The following KPNA5 variants were observed in gnomAD, a reference collection of about 807,000 sequenced individuals.
KPNA5 encodes importin subunit alpha-6.
Under a neutral mutation model 71.3 loss-of-function variants are expected in KPNA5, and 46 were observed. The observed-to-expected ratio is 0.65, with a 90% CI of 0.51 to 0.83. KPNA5 has a LOEUF of 0.83. Among genes scored for constraint, KPNA5 ranks in the 40% least tolerant of loss-of-function variants. The probability of loss-of-function intolerance (pLI) is 0.00; values close to 1 mark genes in which losing one functional copy is unlikely to be tolerated. For missense variants in KPNA5, 547 were observed against 628.3 expected (o/e 0.87, Z 1.38); for synonymous variants, 207 against 201.4 (o/e 1.03, Z -0.24).
rs904932447 is a variant in KPNA5 at position 116,704,041 on chromosome 6, AT to A, written c.568-1017del. 2.0e-3 allele frequency among the ~76,000 whole-genome samples: 296 copies of A among 144,690 alleles called. 2 individuals carry two copies. The highest frequency in any genetic ancestry group is 7.1e-3 in the Middle Eastern group (2 of 280). The allele number at this position is 144,690 out of a possible 152,430, so 94.9% of individuals were successfully genotyped here. On this transcript the variant is annotated intron_variant, in intron 6 of 13. Transcript: ENST00000368564. ...GTTACTGTACTAAATGCTGTAGGCA[AT>A]TTTTTTTTTTTTTGAGACAGAGTCT...
At chr6:116,690,607 C>T (rs1046833152) in intron 2 of KPNA5, among the ~76,000 whole-genome samples, 3 of 147,028 alleles carry the variant, frequency 2.0e-5, no homozygotes, top group African/African-American at 7.6e-5. Flanking sequence ...GATGCCACTG[C>T]ACTCCAGCCT....
intron 9 of KPNA5, among the ~76,000 whole-genome samples, chr6:116,722,707 G>A (rs897252915): frequency 6.6e-6 from 1 of 152,076 alleles, no homozygotes; most frequent in African/African-American, 2.4e-5. Context: ...AAATCATTTA[G>A]TATTTCACCT....
chr6:116,724,202 C>A, intron 9 of KPNA5, 95 bp from the exon 10 acceptor site: 1 of 693,430 alleles, frequency 1.4e-6, no homozygotes, highest in Non-Finnish European at 2.5e-6. Flanking sequence ...GGATCTTTGG[C>A]TGAACACCCC....
rs1779295704 is a variant in KPNA5, at chr6:116,726,547, C to A, written c.1178C>A (p.Ala393Glu). 1 of 1,612,038 alleles carries A rather than the reference C, an allele frequency of 6.2e-7. No homozygotes were observed. Among genetic ancestry groups the A allele is most frequent in the South Asian group, 1.1e-5 (1 of 90,864 alleles). ...FPVLIEILQK[A>E]EFRTRKEAAW... ...GTTTTGATTGAGATTCTTCAGAAAG[C>A]AGAGTTTCGTACCAGAAAAGAAGCA... is the stretch of plus-strand genomic sequence containing the variant. Residue 393 changes from alanine (A) to glutamate (E), a missense_variant, in exon 12 of 14, where the codon GCA becomes GAA. Ala to Glu is a moderately radical substitution (Grantham distance 107). Coordinates refer to ENST00000368564, the MANE Select transcript of KPNA5 (RefSeq NM_001366306.2).
intron 8 of KPNA5, among the ~76,000 whole-genome samples, chr6:116,716,976 C>G (rs1778910435): frequency 6.6e-6 from 1 of 151,866 alleles, no homozygotes. Flanking sequence ...CTCATTTTTA[C>G]TTTTCATTTC....
At chr6:116,720,780 G>T (rs766614902) in intron 8 of KPNA5, among the ~76,000 whole-genome samples, 1 of 152,090 alleles carries the variant, frequency 6.6e-6, no homozygotes, top group Non-Finnish European at 1.5e-5. Flanking sequence ...GGAAGCAGAG[G>T]TTGCACTCCA....
intron 7 of KPNA5, among the ~76,000 whole-genome samples, chr6:116,711,059 TA>T (rs1376721454): frequency 6.6e-6 from 1 of 151,130 alleles, no homozygotes. Flanking sequence ...CATGCCTGGC[TA>T]ATTTTTGCAT....
chr6:116,703,263 A>T (rs911725227), intron 6 of KPNA5, among the ~76,000 whole-genome samples: 37 of 142,878 alleles, frequency 2.6e-4, no homozygotes, highest in Middle Eastern at 3.3e-3. Context: ...CAAAAGATAA[A>T]TTTTTTTTTT....
intron 1 of KPNA5, among the ~76,000 whole-genome samples, chr6:116,685,271 TGTTG>T (rs1486799864): frequency 6.6e-6 from 1 of 152,206 alleles, no homozygotes; most frequent in Non-Finnish European, 1.5e-5. Context: ...GGATTTATTT[TGTTG>T]GTTTTGTTGT....
chr6:116,721,189 A>G (rs2114482190), intron 8 of KPNA5, among the ~76,000 whole-genome samples: 2 of 152,364 alleles, frequency 1.3e-5, no homozygotes, highest in South Asian at 4.1e-4. Flanking sequence ...TGCTTTCAGA[A>G]GAGGATCGTT....
In KPNA5 at chr6:116,712,136, T is replaced by C. The variant is rs556776573; in HGVS notation, c.657-4083T>C. 2.8e-4 allele frequency among the ~76,000 whole-genome samples: 43 copies of C among 152,300 alleles called. No individual in the cohort carries two copies. In the South Asian group the frequency reaches 8.9e-3, roughly 32 times the overall value. ...TTTGTATCTTTAGTAGAGATGGGTCTCACCATGTTGGTCAGACTGGTCTCG... is the reference window on the plus strand; with the variant it reads ...TTTGTATCTTTAGTAGAGATGGGTCCCACCATGTTGGTCAGACTGGTCTCG... On this transcript the variant is annotated intron_variant, in intron 7 of 13. Coordinates refer to ENST00000368564, the MANE Select transcript of KPNA5 (RefSeq NM_001366306.2).
At chr6:116,696,734 C>G (rs1461247963) in intron 4 of KPNA5, among the ~76,000 whole-genome samples, 1 of 151,990 alleles carries the variant, frequency 6.6e-6, no homozygotes, top group East Asian at 1.9e-4. Context: ...GCCATAATGA[C>G]TAAAAGTCTT....
At chr6:116,722,346 T>C in intron 9 of KPNA5, 57 bp downstream of exon 9, 1 of 1,338,652 alleles carries the variant, frequency 7.5e-7, no homozygotes. Context: ...AATTAGCAAT[T>C]CAAGTAATAG....
chr6:116,734,275 TC>T lies in KPNA5; in HGVS notation c.*1954del, dbSNP rs1779593602. 1 of 151,694 alleles carries T rather than the reference TC, an allele frequency of 6.6e-6. No homozygotes were observed. Among genetic ancestry groups the T allele is most frequent in the Admixed American group, 6.6e-5 (1 of 15,152 alleles). 9.4% of individuals were successfully genotyped at this position (151,694 alleles called of 1,614,324 possible). The stretch of plus-strand genomic sequence containing the variant: ...GATTCATAAACTAACCAGCTGTGCC[TC>T]CTTTTATTTTGAGGACCCTGTAGTC... On this transcript the variant is annotated 3_prime_UTR_variant, in exon 14 of 14. Coordinates refer to ENST00000368564, the MANE Select transcript of KPNA5 (RefSeq NM_001366306.2).
At chr6:116,708,739 G>GGT in intron 7 of KPNA5, among the ~76,000 whole-genome samples, 1 of 151,966 alleles carries the variant, frequency 6.6e-6, no homozygotes, top group South Asian at 2.1e-4. Flanking sequence ...CTTGTTCCTT[G>GGT]GTAGTGTATA....
intron 13 of KPNA5, among the ~76,000 whole-genome samples, chr6:116,731,418 A>G (rs941705365): frequency 6.6e-6 from 1 of 152,182 alleles, no homozygotes; most frequent in Non-Finnish European, 1.5e-5. Flanking sequence ...GTGATTGTGT[A>G]TAGATAGGAC....
chr6:116,687,280 C>G (rs558579680), intron 1 of KPNA5, among the ~76,000 whole-genome samples: 1 of 152,162 alleles, frequency 6.6e-6, no homozygotes, highest in South Asian at 2.1e-4. Context: ...GTATTTTATA[C>G]TTTTTCTGGG....
At chr6:116,714,872 A>T (rs1778825395) in intron 7 of KPNA5, among the ~76,000 whole-genome samples, 3 of 152,158 alleles carry the variant, frequency 2.0e-5, no homozygotes, top group Admixed American at 2.0e-4. Context: ...TCTTGGAAAC[A>T]AGTTCTGCTC....
At chr6:116,711,295 T>C (rs963543783) in intron 7 of KPNA5, among the ~76,000 whole-genome samples, 3 of 151,712 alleles carry the variant, frequency 2.0e-5, no homozygotes, top group African/African-American at 7.3e-5. Flanking sequence ...CCTTTTTGTT[T>C]AGTTGATTTT....
Sources: allele counts gnomAD v4.1 joint callset (sites outside exome capture counted in the v4.1 genomes callset), GRCh38; gene constraint gnomAD v4.1.1; transcripts MANE v1.5; gene names NCBI Gene and HGNC (gene_info 2026-07-23, HGNC 2026-07-21).